RPGRIP1: variants seen among roughly 807,000 people sequenced by gnomAD.
RPGRIP1 encodes the protein RPGR interacting protein 1.
RPGRIP1 carries 128 observed loss-of-function variants against 157.9 expected under a neutral mutation model. That is an observed-to-expected ratio of 0.81 (90% CI 0.70 to 0.94). RPGRIP1 has a LOEUF of 0.94. Among genes scored for constraint, RPGRIP1 ranks in the 40% least tolerant of loss-of-function variants. RPGRIP1 has a pLI of 0.00. For synonymous variants in RPGRIP1, 554 were observed against 571.6 expected (o/e 0.97, Z 0.44); for missense variants, 1,486 against 1,545.8 (o/e 0.96, Z 0.65).
chr14:21,300,108 C>CA (rs1422144416), intron 3 of RPGRIP1, among the ~76,000 whole-genome samples: 4 of 152,136 alleles, frequency 2.6e-5, no homozygotes, highest in Non-Finnish European at 5.9e-5. Context: ...TCAGCCTGAC[C>CA]AACATGGAGA....
At chr14:21,327,936 T>G in intron 18 of RPGRIP1, 129 bp downstream of exon 18, 1 of 653,478 alleles carries the variant, frequency 1.5e-6, no homozygotes, top group Non-Finnish European at 2.4e-6. Context: ...TGGGAGGCCA[T>G]GGCAGGCGAA....
intron 12 of RPGRIP1, among the ~76,000 whole-genome samples, 182 bp from the exon 13 acceptor site, chr14:21,321,077 T>C (rs771855168): frequency 9.9e-5 from 15 of 152,210 alleles, no homozygotes; most frequent in Non-Finnish European, 1.9e-4. Flanking sequence ...CCTTCACTGC[T>C]GCTACTGAAC....
At chr14:21,330,108 ACT>A (rs1340714835) in intron 19 of RPGRIP1, 139 bp from the exon 20 acceptor site, 1 of 411,248 alleles carries the variant, frequency 2.4e-6, no homozygotes, top group Non-Finnish European at 3.8e-6. Context: ...ACAGAGGGAG[ACT>A]CTGTCTCAAA....
At chr14:21,333,118 A>G (rs1883962846) in intron 20 of RPGRIP1, among the ~76,000 whole-genome samples, 1 of 152,196 alleles carries the variant, frequency 6.6e-6, no homozygotes. Context: ...AAACAAAACA[A>G]AAACCTCAAA....
intron 16 of RPGRIP1, 65 bp from the exon 17 acceptor site, chr14:21,325,766 C>T (rs1214422557): frequency 8.2e-7 from 1 of 1,221,924 alleles, no homozygotes; most frequent in Admixed American, 2.1e-5. Context: ...ACCACAGATC[C>T]TAGGCTTCAC....
At chr14:21,294,573 T>G in intron 2 of RPGRIP1, 104 bp from the exon 3 acceptor site, 2 of 1,179,064 alleles carry the variant, frequency 1.7e-6, no homozygotes, top group Non-Finnish European at 2.4e-6. Flanking sequence ...AATACTTGAC[T>G]CAAGATAGAT....
chr14:21,325,133 T>C lies in RPGRIP1; in HGVS notation c.2215+63T>C, dbSNP rs191851170. The C allele has an allele frequency of 2.6e-6, 4 of 1,544,790 alleles. No individual in the cohort carries two copies. In the East Asian group the frequency reaches 9.0e-5, roughly 35 times the overall value. ...ATGCAGAATTTCCCAAAGCCTACAG[T>C]TGCTTTTCTGGTGGTTTCTTATTTT... On this transcript the variant is annotated intron_variant, in intron 15 of 24. Coordinates refer to ENST00000400017, the MANE Select transcript of RPGRIP1 (RefSeq NM_020366.4).
intron 21 of RPGRIP1, among the ~76,000 whole-genome samples, chr14:21,340,114 A>T (rs56104451): frequency 6.6e-6 from 1 of 152,132 alleles, no homozygotes; most frequent in Non-Finnish European, 1.5e-5. Flanking sequence ...AGGCAAAGGA[A>T]TTGGTAAGTG....
At chr14:21,280,241 CTTT>C (rs35642254) in intron 1 of RPGRIP1, among the ~76,000 whole-genome samples, 82 bp downstream of exon 1, 44 of 109,372 alleles carry the variant, frequency 4.0e-4, no homozygotes, top group African/African-American at 1.1e-3. Flanking sequence ...TAAGTTTATT[CTTT>C]TTTTTTTTTT....
intron 24 of RPGRIP1, among the ~76,000 whole-genome samples, chr14:21,349,068 ATTTTTTTT>A (rs397709409): frequency 4.1e-4 from 46 of 113,416 alleles, no homozygotes; most frequent in African/African-American, 1.5e-3. Context: ...CCTTACTACA[ATTTTTTTT>A]TTTTTTTTTT....
chr14:21,329,265 G>A (rs1348980601), intron 19 of RPGRIP1, among the ~76,000 whole-genome samples: 1 of 151,820 alleles, frequency 6.6e-6, no homozygotes. Flanking sequence ...GTTGCAGTGA[G>A]CTGAGATCGT....
chr14:21,312,254 A>G (rs1881570197), intron 9 of RPGRIP1, among the ~76,000 whole-genome samples, 179 bp from the exon 10 acceptor site: 1 of 152,164 alleles, frequency 6.6e-6, no homozygotes, highest in South Asian at 2.1e-4. Context: ...ATTAATCCCA[A>G]TACAAGTTTC....
chr14:21,338,877 G>A (rs10143297), intron 21 of RPGRIP1, among the ~76,000 whole-genome samples: 4,177 of 152,310 alleles, frequency 0.027, 186 homozygotes, highest in African/African-American at 0.095. Context: ...GGTGGCTCAC[G>A]CCTGTAATCC....
intron 1 of RPGRIP1, 149 bp from the exon 2 acceptor site, chr14:21,287,790 G>A (rs1880352080): frequency 6.3e-6 from 3 of 479,176 alleles, no homozygotes; most frequent in East Asian, 6.4e-5. Flanking sequence ...ACTCTTTAGT[G>A]TAGAGTTGTC....
chr14:21,349,947 T>G (rs747232421), intron 24 of RPGRIP1, among the ~76,000 whole-genome samples: 1 of 152,214 alleles, frequency 6.6e-6, no homozygotes, highest in African/African-American at 2.4e-5. Context: ...TGCTAGGACC[T>G]TCAGACACTT....
At chr14:21,318,433 G>GT (rs1882017238) in intron 11 of RPGRIP1, among the ~76,000 whole-genome samples, 1 of 151,530 alleles carries the variant, frequency 6.6e-6, no homozygotes, top group African/African-American at 2.4e-5. Context: ...AATTTATTAT[G>GT]TTTTTTAAAC....
chr14:21,345,215 A>G lies in RPGRIP1; in HGVS notation c.3617+18A>G, dbSNP rs201277133. 1.6e-5 allele frequency: 25 copies of G among 1,579,176 alleles called. No homozygotes were observed. Among genetic ancestry groups the G allele is most frequent in the Non-Finnish European group, 2.1e-5 (24 of 1,152,448 alleles). On this transcript the variant is annotated intron_variant, in intron 23 of 24. Transcript: ENST00000400017. ...CAAGGACAGTAAGCATCTGCTTTCC[A>G]CTTTGAAACAAAGGAGATATTGAGA...
At chr14:21,301,609 G>A (rs766227336) in intron 4 of RPGRIP1, among the ~76,000 whole-genome samples, 18 of 151,558 alleles carry the variant, frequency 1.2e-4, no homozygotes, top group Non-Finnish European at 1.8e-4. Flanking sequence ...CTCGGGAGGC[G>A]GAGGTTGCAG....
chr14:21,299,712 A>G (rs904191697), intron 3 of RPGRIP1, among the ~76,000 whole-genome samples: 1 of 152,244 alleles, frequency 6.6e-6, no homozygotes, highest in African/African-American at 2.4e-5. Flanking sequence ...AGCTACAGTT[A>G]GTAAATGTCA....
Sources: gnomAD v4.1 joint callset for allele counts (sites outside exome capture counted in the v4.1 genomes callset) on GRCh38, gnomAD v4.1.1 for gene constraint, MANE v1.5 for transcripts, NCBI Gene and HGNC (gene_info 2026-07-23, HGNC 2026-07-21) for gene names.